The following FAM47E variants were observed in gnomAD, a reference collection of about 807,000 sequenced individuals.
FAM47E encodes the protein protein FAM47E.
In FAM47E, 32 loss-of-function variants were observed where a neutral mutation model predicts 41.6. The ratio of observed to expected loss-of-function variants is 0.77; its 90% confidence interval spans 0.58 to 1.03. FAM47E has a LOEUF of 1.03. Ranked by LOEUF, FAM47E falls within the 50% of genes least tolerant of loss-of-function variation. FAM47E has a pLI of 0.00. For synonymous variants in FAM47E, 184 were observed against 188.7 expected (o/e 0.98, Z 0.20); for missense variants, 424 against 485.4 (o/e 0.87, Z 1.19).
intron 2 of FAM47E, among the ~76,000 whole-genome samples, chr4:76,224,939 A>G (rs921099833): frequency 1.2e-4 from 19 of 152,092 alleles, no homozygotes; most frequent in Admixed American, 6.5e-4. Context: ...AGTCCATTAT[A>G]TCATTCTTAT....
chr4:76,251,853 C>A, intron 1 of FAM47E, 33 bp downstream of exon 1: 1 of 1,376,330 alleles, frequency 7.3e-7, no homozygotes, highest in Non-Finnish European at 9.3e-7. Context: ...GAGGGCGCAT[C>A]CCACGCGGGC....
chr4:76,248,792 C>T (rs995733534), upstream of FAM47E, among the ~76,000 whole-genome samples: 3 of 78,910 alleles, frequency 3.8e-5, no homozygotes, highest in African/African-American at 1.0e-4. Context: ...TAGAGAATCT[C>T]TCAGTCTCTC....
At chr4:76,246,870 T>C (rs1733838399), upstream of FAM47E, among the ~76,000 whole-genome samples, 1 of 152,176 alleles carries the variant, frequency 6.6e-6, no homozygotes, top group South Asian at 2.1e-4. Context: ...ATTTGTTAAG[T>C]TGGATTCTTA....
At chr4:76,265,558 A>T (rs147349210) in intron 3 of FAM47E, among the ~76,000 whole-genome samples, 12 of 152,318 alleles carry the variant, frequency 7.9e-5, no homozygotes, top group African/African-American at 2.9e-4. Flanking sequence ...AGTTACTGAC[A>T]CAGGGCTCCT....
intron 4 of FAM47E, chr4:76,269,243 G>A (rs1283423070): frequency 6.4e-6 from 1 of 156,416 alleles, no homozygotes; most frequent in Non-Finnish European, 1.4e-5. Flanking sequence ...ACTGAGGCGG[G>A]CAGATCACTT....
At chr4:76,240,046 C>A (rs1733674635) in intron 2 of FAM47E, among the ~76,000 whole-genome samples, 1 of 152,110 alleles carries the variant, frequency 6.6e-6, no homozygotes, top group Non-Finnish European at 1.5e-5. Flanking sequence ...GGACTGTGTT[C>A]TATTCCATTG....
chr4:76,254,457 T>C (rs906811188), intron 1 of FAM47E, among the ~76,000 whole-genome samples: 4 of 152,200 alleles, frequency 2.6e-5, no homozygotes, highest in Non-Finnish European at 4.4e-5. Context: ...CATTTAGCTA[T>C]TTAAGAGTGA....
intron 2 of FAM47E, among the ~76,000 whole-genome samples, chr4:76,222,292 T>A (rs973772862): frequency 1.3e-5 from 2 of 151,984 alleles, no homozygotes; most frequent in African/African-American, 4.8e-5. Flanking sequence ...AGTGGTGTGA[T>A]CTCAGCTCAC....
intron 2 of FAM47E, among the ~76,000 whole-genome samples, chr4:76,231,475 T>C (rs1733491144): frequency 1.3e-5 from 2 of 152,192 alleles, no homozygotes; most frequent in South Asian, 2.1e-4. Context: ...ATGACAAATA[T>C]ATGATAGGTT....
At chr4:76,214,385 C>A in exon 1 of FAM47E, 4 of 424,616 alleles carry the variant, frequency 9.4e-6, no homozygotes, top group Middle Eastern at 3.5e-4. Flanking sequence ...GGAAGATGTG[C>A]AAAAAAGGGA....
chr4:76,218,056 G>A (rs973467473), intron 2 of FAM47E, among the ~76,000 whole-genome samples: 3 of 152,228 alleles, frequency 2.0e-5, no homozygotes, highest in Non-Finnish European at 4.4e-5. Context: ...GGCCGGGCCA[G>A]GTGGCTCATG....
At chr4:76,269,409 G>A (rs1439303385) in intron 4 of FAM47E, 1 of 152,242 alleles carries the variant, frequency 6.6e-6, no homozygotes, top group East Asian at 1.9e-4. Context: ...AAGGTCAGGA[G>A]TTTGAGATCA....
intron 2 of FAM47E, among the ~76,000 whole-genome samples, chr4:76,233,590 A>G (rs528578883): frequency 0.017 from 2,530 of 150,666 alleles, 82 homozygotes; most frequent in African/African-American, 0.058. Flanking sequence ...ACACACGCAC[A>G]CACACACACA....
At chr4:76,233,763 T>A (rs947804175) in intron 2 of FAM47E, among the ~76,000 whole-genome samples, 2 of 152,064 alleles carry the variant, frequency 1.3e-5, no homozygotes, top group Admixed American at 1.3e-4. Context: ...CAAAGCCCTA[T>A]CAAGCAGTTA....
At chr4:76,257,681 T>C (rs1315716357) in intron 2 of FAM47E, among the ~76,000 whole-genome samples, 1 of 152,100 alleles carries the variant, frequency 6.6e-6, no homozygotes, top group East Asian at 1.9e-4. Flanking sequence ...AGACGGCTGC[T>C]TGGCTTACTC....
intron 2 of FAM47E, among the ~76,000 whole-genome samples, chr4:76,232,316 C>G (rs1733506468): frequency 6.6e-6 from 1 of 152,190 alleles, no homozygotes; most frequent in Non-Finnish European, 1.5e-5. Flanking sequence ...TTCATGAGTC[C>G]TGTACATTTT....
intron 5 of FAM47E, among the ~76,000 whole-genome samples, chr4:76,277,134 C>T (rs1483465180): frequency 1.3e-5 from 2 of 152,094 alleles, no homozygotes; most frequent in Non-Finnish European, 2.9e-5. Context: ...ACTGAGGAAT[C>T]GGGGAAAGAA....
At chr4:76,236,144 A>G (rs1050661025) in intron 2 of FAM47E, 2 of 152,204 alleles carry the variant, frequency 1.3e-5, no homozygotes, top group African/African-American at 4.8e-5. Context: ...TCCCCACCCA[A>G]CAGAAACCTG....
In FAM47E at chr4:76,242,657, C is replaced by T. The variant is rs112752720; in HGVS notation, c.82-21047C>T. Among the ~76,000 whole-genome samples the T allele has an allele frequency of 4.4e-3, 663 of 152,234 alleles. 1 individual carries two copies. Among genetic ancestry groups the T allele is most frequent in the Non-Finnish European group, 6.6e-3 (448 of 68,006 alleles). On this transcript the variant is annotated intron_variant, in intron 2 of 7. Coordinates refer to the FAM47E transcript ENST00000510197. Reference sequence around the variant, plus strand: ...ACCAGCCTCATGTGGCAAATGAATACTTGAAATGTGGCTTGTCAGAATTAA... The same window carrying T: ...ACCAGCCTCATGTGGCAAATGAATATTTGAAATGTGGCTTGTCAGAATTAA...
Sources: gnomAD v4.1 joint callset for allele counts (sites outside exome capture counted in the v4.1 genomes callset) on GRCh38, gnomAD v4.1.1 for gene constraint, MANE v1.5 for transcripts, NCBI Gene and HGNC (gene_info 2026-07-23, HGNC 2026-07-21) for gene names.